TRIP11: variants seen among roughly 807,000 people sequenced by gnomAD.
TRIP11 encodes thyroid receptor-interacting protein 11.
Under a neutral mutation model 223.1 loss-of-function variants are expected in TRIP11, and 148 were observed. The ratio of observed to expected loss-of-function variants is 0.66; its 90% CI spans 0.58 to 0.76. The LOEUF (loss-of-function observed/expected upper bound fraction) is 0.76. TRIP11 is among the 30% of genes least tolerant of loss of function. TRIP11 has a pLI of 0.00. For synonymous variants in TRIP11, 762 were observed against 772.6 expected, an observed-to-expected ratio of 0.99 and a Z score of 0.23; for missense variants, 2,043 against 2,222.0, an observed-to-expected ratio of 0.92 and a Z score of 1.62.
intron 16 of TRIP11, among the ~76,000 whole-genome samples, chr14:91,981,006 A>ATTTTTTTT (rs1405167929): frequency 4.5e-5 from 3 of 66,138 alleles, no homozygotes; most frequent in African/African-American, 2.4e-4. Flanking sequence ...ATATATATAT[A>ATTTTTTTT]TATATATTTT....
At chr14:92,026,586 C>A in intron 2 of TRIP11, 1 of 1,286,518 alleles carries the variant, frequency 7.8e-7, no homozygotes, top group Non-Finnish European at 1.1e-6. Context: ...CAGCCGTGGA[C>A]ACCAGCTCCG....
At chr14:92,031,976 C>T (rs1025039300) in intron 2 of TRIP11, among the ~76,000 whole-genome samples, 2 of 152,190 alleles carry the variant, frequency 1.3e-5, no homozygotes, top group African/African-American at 2.4e-5. Context: ...CCCACCACCA[C>T]ACCTTGACTA....
At chr14:92,008,064 C>G (rs926845975) in intron 9 of TRIP11, among the ~76,000 whole-genome samples, 7 of 152,184 alleles carry the variant, frequency 4.6e-5, no homozygotes, top group African/African-American at 1.7e-4. Context: ...CAAAACATTT[C>G]TATAACCCTA....
chr14:92,035,283 T>C (rs2057311739), intron 1 of TRIP11, among the ~76,000 whole-genome samples: 1 of 151,694 alleles, frequency 6.6e-6, no homozygotes, highest in Non-Finnish European at 1.5e-5. Flanking sequence ...ATCGTGCCAC[T>C]GCACTCCAGC....
rs972019268 is a variant in TRIP11, at chr14:91,977,107, G to A, written c.5261-918C>T. ...TATCTAGAAACATTCACATCCAAAC[G>A]CTAGACTCTGCCACAAACCTTTTCC... is the stretch of plus-strand genomic sequence containing the variant. On this transcript the variant is annotated intron_variant, in intron 16 of 20. Transcript: ENST00000267622. 18 of 380,180 alleles carry A rather than the reference G, an allele frequency of 4.7e-5. No individual in the cohort carries two copies. In the Admixed American group the frequency reaches 5.5e-4, roughly 12 times the overall value. The allele number at this position is 380,180 out of a possible 1,614,324, so 23.6% of individuals were successfully genotyped here.
intron 13 of TRIP11, 92 bp downstream of exon 13, chr14:91,999,148 G>C: frequency 1.5e-6 from 2 of 1,350,848 alleles, no homozygotes; most frequent in Non-Finnish European, 2.0e-6. Flanking sequence ...AATGAATTTT[G>C]CAAGGATGAG....
intron 14 of TRIP11, 124 bp downstream of exon 14, chr14:91,995,228 C>T (rs747218456): frequency 1.9e-5 from 21 of 1,104,566 alleles, no homozygotes; most frequent in Non-Finnish European, 2.6e-5. Flanking sequence ...ACTCACCCTT[C>T]CCCTCTACCA....
intron 16 of TRIP11, chr14:91,977,225 G>C (rs992030067): frequency 2.0e-5 from 9 of 454,692 alleles, no homozygotes; most frequent in Non-Finnish European, 4.0e-5. Context: ...TCTGTGAGTT[G>C]TCATCTCACT....
chr14:92,032,463 T>C (rs1000172636), intron 2 of TRIP11, among the ~76,000 whole-genome samples: 5 of 150,400 alleles, frequency 3.3e-5, no homozygotes, highest in African/African-American at 1.2e-4. Flanking sequence ...TATTCCTATA[T>C]TCTTAACTTT....
chr14:92,010,518 G>A (rs1272477739), intron 9 of TRIP11, among the ~76,000 whole-genome samples: 1 of 151,156 alleles, frequency 6.6e-6, no homozygotes, highest in African/African-American at 2.4e-5. Flanking sequence ...CAACAAGAGC[G>A]AAACTCCATC....
chr14:92,000,339 C>G (rs903794302), intron 11 of TRIP11, among the ~76,000 whole-genome samples: 64 of 152,080 alleles, frequency 4.2e-4, no homozygotes, highest in African/African-American at 1.4e-3. Context: ...TCTAGAGAAG[C>G]CTATGGAGCC....
intron 1 of TRIP11, among the ~76,000 whole-genome samples, chr14:92,035,162 A>C (rs973074673): frequency 1.3e-5 from 2 of 151,196 alleles, no homozygotes; most frequent in Admixed American, 6.6e-5. Flanking sequence ...AAAAAAAAAA[A>C]ACTGGCCAGT....
At chr14:92,009,582 A>G (rs1230861283) in intron 9 of TRIP11, among the ~76,000 whole-genome samples, 2 of 151,510 alleles carry the variant, frequency 1.3e-5, no homozygotes, top group Non-Finnish European at 2.9e-5. Context: ...TAAAATATAT[A>G]TAATATAGTA....
chr14:92,023,094 T>C (rs1448495226), intron 3 of TRIP11, among the ~76,000 whole-genome samples: 1 of 152,240 alleles, frequency 6.6e-6, no homozygotes, highest in Non-Finnish European at 1.5e-5. Context: ...GTTATACAAG[T>C]GCAAGCTGTA....
chr14:92,026,626 A>C, intron 2 of TRIP11: 1 of 1,225,262 alleles, frequency 8.2e-7, no homozygotes, highest in Non-Finnish European at 1.2e-6. Context: ...AAAGGAGAAG[A>C]AGGAAGTTGT....
chr14:92,011,012 CTT>C lies in TRIP11; in HGVS notation c.1286_1287del (p.Lys429ArgfsTer22). 1 of 1,613,988 alleles carries C rather than the reference CTT, an allele frequency of 6.2e-7. No individual in the cohort carries two copies. The highest frequency in any genetic ancestry group is 1.1e-5 in the South Asian group (1 of 91,082). On this transcript the variant is annotated frameshift_variant, in exon 9 of 21. Coordinates refer to ENST00000267622, the MANE Select transcript of TRIP11 (RefSeq NM_004239.4). LOFTEE classifies it high-confidence loss of function. ...TTTTCTTGACTCAGTAATGACTTCTCTTTTTCTAAAACTTCGATACGCATTTT... is the reference window on the plus strand; with the variant it reads ...TTTTCTTGACTCAGTAATGACTTCTCTTTCTAAAACTTCGATACGCATTTT... Reference protein sequence around the residue: ...KLKMRIEVLEKEKSLLSQEKE... With the variant: ...KLKMRIEVLEXEKSLLSQEKE...
rs1043673635 is a variant in TRIP11 at position 92,007,807 on chromosome 14, C to T, written c.1360G>A (p.Val454Ile). 1.2e-6 allele frequency: 2 copies of T among 1,612,912 alleles called. No homozygotes were observed. The highest frequency in any genetic ancestry group is 1.7e-6 in the Non-Finnish European group (2 of 1,179,726). Residue 454 changes from valine (V) to isoleucine (I), a missense_variant, in exon 10 of 21, where the codon GTA (valine) becomes ATA (isoleucine). Coordinates refer to ENST00000267622, the MANE Select transcript of TRIP11 (RefSeq NM_004239.4). ...TCTCTTGTAGCTGTACTTTTAATTA[C>T]TTCATATTCATTGTTCAATTTTAAA... is the stretch of plus-strand genomic sequence containing the variant. ...SLLKLNNEYE[V>I]IKSTATRDIS...
intron 3 of TRIP11, among the ~76,000 whole-genome samples, chr14:92,024,355 A>G (rs1435483043): frequency 1.3e-5 from 2 of 149,396 alleles, no homozygotes; most frequent in Non-Finnish European, 3.0e-5. Flanking sequence ...TGGGCGACAG[A>G]GCAAGACTCT....
chr14:91,993,707 T>C, intron 15 of TRIP11, 102 bp downstream of exon 15: 1 of 970,046 alleles, frequency 1.0e-6, no homozygotes. Flanking sequence ...GGTAGAAAAT[T>C]TACTAAATGA....
Sources: allele counts gnomAD v4.1 joint callset (sites outside exome capture counted in the v4.1 genomes callset), GRCh38; gene constraint gnomAD v4.1.1; transcripts MANE v1.5; gene names NCBI Gene and HGNC (gene_info 2026-07-23, HGNC 2026-07-21).